The following ASB3 variants were observed in gnomAD, a reference collection of about 807,000 sequenced individuals.
ASB3 encodes the protein ankyrin repeat and SOCS box containing 3.
In ASB3, 41 loss-of-function variants were observed where a neutral mutation model predicts 54.5. The observed-to-expected ratio is 0.75, with a 90% confidence interval of 0.59 to 0.98. The LOEUF is 0.98. Among genes scored for constraint, ASB3 ranks in the 50% least tolerant of loss-of-function variants. The pLI is 0.00. For synonymous variants in ASB3, 266 were observed against 221.2 expected (o/e 1.20, Z -1.80); for missense variants, 733 against 620.0 (o/e 1.18, Z -1.94).
chr2:53,727,266 ATGTT>A (rs771872386), intron 5 of ASB3, among the ~76,000 whole-genome samples: 8 of 152,222 alleles, frequency 5.3e-5, no homozygotes, highest in Non-Finnish European at 1.2e-4. Flanking sequence ...CACTTAATGA[ATGTT>A]TGTTTCTTTT....
chr2:53,674,409 A>G (rs1667973572), intron 9 of ASB3, among the ~76,000 whole-genome samples: 1 of 152,208 alleles, frequency 6.6e-6, no homozygotes, highest in Admixed American at 6.5e-5. Context: ...ATTTTGTTAT[A>G]TGTACTGGCA....
At chr2:53,714,850 C>G (rs946099443) in intron 6 of ASB3, among the ~76,000 whole-genome samples, 1 of 152,012 alleles carries the variant, frequency 6.6e-6, no homozygotes, top group Non-Finnish European at 1.5e-5. Flanking sequence ...AAAAGGTGCT[C>G]TTTTAATTTT....
chr2:53,706,957 G>A (rs34787011), intron 7 of ASB3, among the ~76,000 whole-genome samples: 2,919 of 152,264 alleles, frequency 0.019, 38 homozygotes, highest in Middle Eastern at 0.044. Context: ...TGGGTTGTCC[G>A]TTCCAGAAAG....
intron 4 of ASB3, 74 bp downstream of exon 4, chr2:53,729,384 T>G (rs748789196): frequency 8.7e-6 from 13 of 1,486,612 alleles, no homozygotes; most frequent in Non-Finnish European, 1.2e-5. Context: ...AAGCAAAAAC[T>G]GCATAGGACT....
At chr2:53,724,790 G>A (rs1670901683) in intron 5 of ASB3, among the ~76,000 whole-genome samples, 1 of 151,974 alleles carries the variant, frequency 6.6e-6, no homozygotes, top group African/African-American at 2.4e-5. Flanking sequence ...AACAACAGAT[G>A]CTAGAGAGGT....
Position 53,728,951 on chromosome 2 carries a change from G to A in ASB3, c.469-104C>T, listed in dbSNP as rs112567056. On this transcript the variant is annotated intron_variant, in intron 4 of 9. Transcript: ENST00000263634. The stretch of plus-strand genomic sequence containing the variant: ...TTTCTTTTTTATCCTCTCACTAAAG[G>A]ATAACTTGAAGGAAAAAACAAAACA... The A allele has an allele frequency of 5.4e-5, 72 of 1,338,058 alleles. No individual in the cohort carries two copies. In the African/African-American group the frequency reaches 8.4e-4, roughly 16 times the overall value. The allele number at this position is 1,338,058 out of a possible 1,614,324, so 82.9% of individuals were successfully genotyped here.
chr2:53,728,902 T>C, intron 4 of ASB3, 55 bp from the exon 5 acceptor site: 4 of 1,506,450 alleles, frequency 2.7e-6, no homozygotes, highest in Non-Finnish European at 3.6e-6. Context: ...ATAGAAGGTA[T>C]CTTTCTTCTT....
At chr2:53,757,419 G>A (rs1672896591) in intron 2 of ASB3, among the ~76,000 whole-genome samples, 1 of 152,236 alleles carries the variant, frequency 6.6e-6, no homozygotes, top group Non-Finnish European at 1.5e-5. Flanking sequence ...AGCTGGTTGA[G>A]ATCATGGCGC....
chr2:53,671,341 C>G (rs1400401883), intron 9 of ASB3, among the ~76,000 whole-genome samples: 1 of 148,094 alleles, frequency 6.8e-6, no homozygotes, highest in Non-Finnish European at 1.5e-5. Context: ...TCAGATCTAT[C>G]TGAACCCAAA....
chr2:53,697,270 G>C (rs558638467), intron 8 of ASB3, among the ~76,000 whole-genome samples: 1 of 152,176 alleles, frequency 6.6e-6, no homozygotes, highest in East Asian at 1.9e-4. Flanking sequence ...CTCAGTCCTG[G>C]GACTTGCCCA....
chr2:53,706,443 G>A (rs746255222), intron 7 of ASB3, among the ~76,000 whole-genome samples: 6 of 151,910 alleles, frequency 3.9e-5, no homozygotes, highest in African/African-American at 7.3e-5. Flanking sequence ...TCAAAAGGCA[G>A]CTTCTTTTTT....
At chr2:53,687,606 C>T (rs1323593995) in intron 9 of ASB3, among the ~76,000 whole-genome samples, 1 of 152,166 alleles carries the variant, frequency 6.6e-6, no homozygotes, top group Non-Finnish European at 1.5e-5. Flanking sequence ...CCATGATAGA[C>T]AAACTGCACA....
intron 2 of ASB3, among the ~76,000 whole-genome samples, chr2:53,754,637 C>T (rs933052224): frequency 3.3e-5 from 5 of 152,178 alleles, no homozygotes; most frequent in South Asian, 2.1e-4. Flanking sequence ...GGTTATACTT[C>T]GGGCCAATTA....
rs1672667832 is a variant in ASB3, at chr2:53,753,867, C to G, written c.197-2926G>C. Among the ~76,000 whole-genome samples, 5 of 152,106 alleles carry G rather than the reference C, an allele frequency of 3.3e-5. No individual in the cohort carries two copies. The South Asian group carries it at 1.0e-3, about 32-fold the overall frequency. On this transcript the variant is annotated intron_variant, in intron 2 of 9. Transcript: ENST00000263634. ...TGTTGGCCAGGCTGGTCTCAAACTCCTGGCCTCAGGTGATCTGCCCGACTT... is the reference window on the plus strand; with the variant it reads ...TGTTGGCCAGGCTGGTCTCAAACTCGTGGCCTCAGGTGATCTGCCCGACTT...
At chr2:53,753,487 T>C (rs1246738713) in intron 2 of ASB3, among the ~76,000 whole-genome samples, 1 of 152,122 alleles carries the variant, frequency 6.6e-6, no homozygotes, top group Non-Finnish European at 1.5e-5. Context: ...TTAATATAGA[T>C]ACAGATGGCT....
intron 3 of ASB3, among the ~76,000 whole-genome samples, chr2:53,737,645 C>G (rs1195563682): frequency 6.7e-6 from 1 of 149,302 alleles, no homozygotes; most frequent in East Asian, 2.0e-4. Flanking sequence ...GAGATCAATC[C>G]TGGGTACTTG....
rs758532530 is a variant in ASB3, at chr2:53,750,953, T to C, written c.197-12A>G. 29 of 1,509,414 alleles carry C rather than the reference T, an allele frequency of 1.9e-5. No individual in the cohort carries two copies. The highest frequency in any genetic ancestry group is 2.5e-5 in the Non-Finnish European group (28 of 1,128,656). 93.5% of individuals were successfully genotyped at this position (1,509,414 alleles called of 1,614,324 possible). A position where few individuals can be genotyped will look rare whatever the true frequency, so the allele number is the denominator to read the frequency against. ...GTTTTCAGATGAATCTGTGGAAGAA[T>C]CAAAGCCCATCAACTAGAAGGTATT... On this transcript the variant is annotated splice_polypyrimidine_tract_variant and intron_variant, in intron 2 of 9. Transcript: ENST00000263634.
chr2:53,683,848 T>C (rs1334669660), intron 9 of ASB3, among the ~76,000 whole-genome samples: 1 of 152,174 alleles, frequency 6.6e-6, no homozygotes. Context: ...GGATCTTTTT[T>C]TCTTAGTCTG....
At chr2:53,723,667 T>C (rs1055802289) in intron 5 of ASB3, among the ~76,000 whole-genome samples, 3 of 152,192 alleles carry the variant, frequency 2.0e-5, no homozygotes, top group African/African-American at 7.2e-5. Context: ...GGTATCACAT[T>C]ACCCAATTTC....
Sources: gnomAD v4.1 joint callset for allele counts (sites outside exome capture counted in the v4.1 genomes callset) on GRCh38, gnomAD v4.1.1 for gene constraint, MANE v1.5 for transcripts, NCBI Gene and HGNC (gene_info 2026-07-23, HGNC 2026-07-21) for gene names.